The following PCDHA7 variants were observed in gnomAD, a reference collection of about 807,000 sequenced individuals.
The protein encoded by PCDHA7 is protocadherin alpha 7.
In PCDHA7, 37 loss-of-function variants were observed where a neutral mutation model predicts 57.2. That is an observed-to-expected ratio of 0.65 (90% confidence interval 0.50 to 0.85). The LOEUF (loss-of-function observed/expected upper bound fraction) is 0.85. Among genes scored for constraint, PCDHA7 ranks in the 40% least tolerant of loss-of-function variants. The pLI is 0.00. For synonymous variants in PCDHA7, 553 were observed against 558.8 expected, an observed-to-expected ratio of 0.99 and a Z score of 0.15; for missense variants, 1,188 against 1,241.8, an observed-to-expected ratio of 0.96 and a Z score of 0.65.
intron 1 of PCDHA7, chr5:140,870,675 C>T (rs1554164570): frequency 6.2e-7 from 1 of 1,612,672 alleles, no homozygotes. Flanking sequence ...CGTTGGACCA[C>T]GAGGAGCTGG....
chr5:140,872,429 C>T (rs2053657736), intron 1 of PCDHA7, among the ~76,000 whole-genome samples: 1 of 152,028 alleles, frequency 6.6e-6, no homozygotes, highest in Non-Finnish European at 1.5e-5. Flanking sequence ...GAGTTCGAGG[C>T]CTGCCTGGAC....
At chr5:140,856,473 C>T (rs1471191080) in intron 1 of PCDHA7, 2 of 1,598,372 alleles carry the variant, frequency 1.3e-6, no homozygotes. Flanking sequence ...CTCTCAATAC[C>T]TGAATCCAGA....
At chr5:140,906,097 T>G (rs1396034135) in intron 1 of PCDHA7, among the ~76,000 whole-genome samples, 1 of 152,144 alleles carries the variant, frequency 6.6e-6, no homozygotes, top group Non-Finnish European at 1.5e-5. Context: ...AGAGTAAGTG[T>G]GTCTTTCCCA....
intron 1 of PCDHA7, among the ~76,000 whole-genome samples, chr5:140,964,622 T>A (rs1435749865): frequency 6.6e-6 from 1 of 152,048 alleles, no homozygotes; most frequent in African/African-American, 2.4e-5. Flanking sequence ...ATTCCACTTA[T>A]AAGCCATTTA....
chr5:140,959,102 G>A (rs556528085), intron 1 of PCDHA7, among the ~76,000 whole-genome samples: 2 of 152,214 alleles, frequency 1.3e-5, no homozygotes, highest in South Asian at 4.2e-4. Flanking sequence ...ACATTCAGCA[G>A]GGGTCCGAAG....
chr5:140,976,395 T>G (rs973484895), intron 1 of PCDHA7, among the ~76,000 whole-genome samples: 1 of 151,734 alleles, frequency 6.6e-6, no homozygotes, highest in Middle Eastern at 3.4e-3. Flanking sequence ...TACTAAAAAT[T>G]CAAAAATTAG....
chr5:140,915,093 G>A (rs1397392191), intron 1 of PCDHA7, among the ~76,000 whole-genome samples: 3 of 151,622 alleles, frequency 2.0e-5, no homozygotes, highest in Non-Finnish European at 2.9e-5. Flanking sequence ...CTATGGGCAC[G>A]CACCACCACA....
chr5:140,982,299 T>C, intron 2 of PCDHA7, 176 bp from the exon 3 acceptor site: 1 of 1,200,862 alleles, frequency 8.3e-7, no homozygotes, highest in South Asian at 1.7e-5. Flanking sequence ...AAGTCAGCAA[T>C]GCTTCTGCAG....
chr5:141,007,315 C>T (rs1207897662), intron 3 of PCDHA7, among the ~76,000 whole-genome samples: 1 of 148,308 alleles, frequency 6.7e-6, no homozygotes, highest in Non-Finnish European at 1.5e-5. Flanking sequence ...TTTTGGGAGG[C>T]TAAAGTGGAC....
chr5:140,962,806 A>G (rs2095710017), intron 1 of PCDHA7, among the ~76,000 whole-genome samples: 1 of 152,204 alleles, frequency 6.6e-6, no homozygotes, highest in Admixed American at 6.5e-5. Context: ...ACAACTCTAA[A>G]CATCAGAGAT....
intron 1 of PCDHA7, among the ~76,000 whole-genome samples, chr5:140,893,478 C>T (rs1365540423): frequency 2.6e-5 from 4 of 151,996 alleles, no homozygotes; most frequent in African/African-American, 9.7e-5. Flanking sequence ...CATAGCAAGA[C>T]CCTGTTCTTC....
chr5:140,851,444 A>G (rs1182271875), intron 1 of PCDHA7: 1 of 917,790 alleles, frequency 1.1e-6, no homozygotes, highest in Non-Finnish European at 1.3e-6. Context: ...CAGTTGCTCC[A>G]CTTTAGGAAT....
At chr5:140,970,884 A>G (rs1013057138) in intron 1 of PCDHA7, among the ~76,000 whole-genome samples, 1 of 152,218 alleles carries the variant, frequency 6.6e-6, no homozygotes, top group Admixed American at 6.5e-5. Context: ...GATTTTTCTC[A>G]TGGACATTTC....
intron 1 of PCDHA7, among the ~76,000 whole-genome samples, chr5:140,900,090 A>G (rs1370301453): frequency 6.6e-6 from 1 of 152,152 alleles, no homozygotes; most frequent in Non-Finnish European, 1.5e-5. Context: ...AGTTACAAGC[A>G]TGCGCCACCA....
intron 1 of PCDHA7, chr5:140,882,765 CGG>C: frequency 6.2e-7 from 1 of 1,614,222 alleles, no homozygotes; most frequent in Non-Finnish European, 8.5e-7. Flanking sequence ...GGAGTAAACT[CGG>C]CATTGACCTA....
At chr5:140,927,854 C>T (rs1047804872) in intron 1 of PCDHA7, 1 of 1,614,222 alleles carries the variant, frequency 6.2e-7, no homozygotes, top group South Asian at 1.1e-5. Flanking sequence ...TTTGGTTTAG[C>T]TAGCACCGCT....
At chr5:140,915,096 C>T (rs530875134) in intron 1 of PCDHA7, among the ~76,000 whole-genome samples, 1 of 152,060 alleles carries the variant, frequency 6.6e-6, no homozygotes, top group Admixed American at 6.5e-5. Context: ...TGGGCACGCA[C>T]CACCACAACA....
intron 1 of PCDHA7, 53 bp from the exon 2 acceptor site, chr5:140,978,895 TG>T: frequency 6.2e-7 from 1 of 1,612,992 alleles, no homozygotes; most frequent in Non-Finnish European, 8.5e-7. Context: ...GCAGCATTCC[TG>T]GGAGAACATT....
At chr5:140,985,690 C>G (rs752184454) in intron 3 of PCDHA7, among the ~76,000 whole-genome samples, 1 of 151,742 alleles carries the variant, frequency 6.6e-6, no homozygotes, top group Admixed American at 6.6e-5. Flanking sequence ...TACGCTAATC[C>G]TCGTTCATAT....
Sources: allele counts gnomAD v4.1 joint callset (sites outside exome capture counted in the v4.1 genomes callset), GRCh38; gene constraint gnomAD v4.1.1; transcripts MANE v1.5; gene names NCBI Gene and HGNC (gene_info 2026-07-23, HGNC 2026-07-21).